SUCO: variants seen among roughly 807,000 people sequenced by gnomAD.
SUCO encodes SUN domain-containing ossification factor.
A neutral mutation model predicts 148.1 loss-of-function variants in SUCO; 57 were observed. The observed-to-expected ratio is 0.38, with a 90% CI of 0.31 to 0.48. The LOEUF (loss-of-function observed/expected upper bound fraction) is 0.48. Among genes scored for constraint, SUCO ranks in the 20% least tolerant of loss-of-function variants. The pLI is 0.96. For missense variants in SUCO, 1,331 were observed against 1,468.2 expected (o/e 0.91, Z 1.53); for synonymous variants, 470 against 502.7 (o/e 0.93, Z 0.87).
chr1:172,541,185 T>C (rs1161742387), intron 1 of SUCO, among the ~76,000 whole-genome samples: 2 of 152,236 alleles, frequency 1.3e-5, no homozygotes, highest in East Asian at 3.8e-4. Flanking sequence ...TACATAGTGT[T>C]AGGTTTTAAA....
In SUCO at chr1:172,569,056, C is replaced by T. The variant is rs1299081797; in HGVS notation, c.770C>T (p.Thr257Ile). 8 of 1,599,588 alleles carry T rather than the reference C, an allele frequency of 5.0e-6. No individual in the cohort carries two copies. The South Asian group carries it at 6.9e-5, about 14-fold the overall frequency. The part of the protein sequence containing the change: ...DYTKPGDIDP[T>I]SVASPKDPED... ...ACAAAACCAGGAGACATTGACCCTA[C>T]ATCAGTAGCAAGTCCCAAAGATCCA... The change falls in exon 7 of 24, where the codon ACA becomes ATA. Residue 257 changes from threonine to isoleucine, a missense_variant. By Grantham distance (89) the Thr-to-Ile change is moderately conservative (BLOSUM62 -1). Transcript: ENST00000263688.
rs1656433645 is a variant in SUCO, at chr1:172,589,052, G to A, written c.1951G>A (p.Ala651Thr). The A allele has an allele frequency of 6.2e-7, 1 of 1,613,618 alleles. No individual in the cohort carries two copies. Among genetic ancestry groups the A allele is most frequent in the African/African-American group, 1.3e-5 (1 of 74,916 alleles). The change falls in exon 18 of 24, where the codon GCT (alanine) becomes ACT (threonine). Residue 651 changes from alanine to threonine, a missense_variant. Coordinates refer to ENST00000263688, the MANE Select transcript of SUCO (RefSeq NM_014283.5). Reference protein sequence around the residue: ...VALYRQRSRTALSKGKDYLVL... With the variant: ...VALYRQRSRTTLSKGKDYLVL... ...TCTTTATCGGCAGCGCAGCCGAACT[G>A]CTTTGAGTAAAGGAAAAGATTATCT...
At chr1:172,570,468 A>G in intron 8 of SUCO, 195 bp from the exon 9 acceptor site, 1 of 549,352 alleles carries the variant, frequency 1.8e-6, no homozygotes. Flanking sequence ...GTATCATTGT[A>G]ACACTAATTT....
At chr1:172,536,216 G>A (rs1421406537) in intron 1 of SUCO, among the ~76,000 whole-genome samples, 5 of 152,080 alleles carry the variant, frequency 3.3e-5, no homozygotes, top group East Asian at 1.9e-4. Context: ...GTTAAGCTTC[G>A]GAGCTTAAAT....
chr1:172,571,697 G>T (rs1471126916), intron 9 of SUCO, among the ~76,000 whole-genome samples: 1 of 99,902 alleles, frequency 1.0e-5, no homozygotes, highest in African/African-American at 4.4e-5. Flanking sequence ...TGTGGGGAGC[G>T]CCTCTGCCCC....
intron 10 of SUCO, among the ~76,000 whole-genome samples, chr1:172,575,189 T>C (rs1286264405): frequency 6.6e-6 from 1 of 152,004 alleles, no homozygotes; most frequent in Non-Finnish European, 1.5e-5. Flanking sequence ...ATTACACACA[T>C]GTCAGTATGT....
chr1:172,582,553 G>A (rs751934737), intron 15 of SUCO, among the ~76,000 whole-genome samples: 1 of 152,176 alleles, frequency 6.6e-6, no homozygotes, highest in Middle Eastern at 3.4e-3. Context: ...TAATCCAGGA[G>A]AAATTAGGGA....
At chr1:172,579,371 C>CT (rs1341932187) in intron 15 of SUCO, 104 bp downstream of exon 15, 1 of 638,126 alleles carries the variant, frequency 1.6e-6, no homozygotes, top group East Asian at 2.9e-5. Context: ...CAGTGTTGAA[C>CT]TTTGAGTTGA....
In SUCO at chr1:172,589,015, A is replaced by G. The variant is rs776887193; in HGVS notation, c.1914A>G (p.Ser638=). 2 of 1,613,388 alleles carry G rather than the reference A, an allele frequency of 1.2e-6. No homozygotes were observed. The highest frequency in any genetic ancestry group is 1.1e-5 in the South Asian group (1 of 90,982). ...CAGAATACATATATAAATGGTGTTC[A>G]GTTAGAGTTGCTCTTTATCGGCAGC... The part of the protein sequence containing the change: ...SFSEYIYKWC[S]VRVALYRQRS... The change falls in exon 18 of 24, where the codon TCA becomes TCG. Residue 638 remains serine (S), a synonymous_variant. Coordinates refer to ENST00000263688, the MANE Select transcript of SUCO (RefSeq NM_014283.5).
chr1:172,549,564 T>C lies in SUCO; in HGVS notation c.63-1948T>C, dbSNP rs190121400. ...TTTTTAAAAGGTATTTTTTTCTCAA[T>C]CACTTTCACATTAAAGAATGCTTTC... On this transcript the variant is annotated intron_variant, in intron 1 of 23. Coordinates refer to ENST00000263688, the MANE Select transcript of SUCO (RefSeq NM_014283.5). 3.3e-5 allele frequency among the ~76,000 whole-genome samples: 5 copies of C among 152,080 alleles called. No individual in the cohort carries two copies. The East Asian group carries it at 9.7e-4, about 29-fold the overall frequency.
At chr1:172,576,565 T>C (rs1462452109) in intron 11 of SUCO, among the ~76,000 whole-genome samples, 1 of 151,690 alleles carries the variant, frequency 6.6e-6, no homozygotes, top group Non-Finnish European at 1.5e-5. Flanking sequence ...AAATGAGTAC[T>C]GAAACAATTA....
rs1404099180 is a variant in SUCO, at chr1:172,589,189, T to G, written c.2088T>G (p.Thr696=). The change falls in exon 18 of 24, where the codon ACT becomes ACG. Residue 696 remains threonine (T), a synonymous_variant. Transcript: ENST00000263688. ...ENTNIEREAE[T]VVLGDLSSSM... ...CGAATATAGAAAGGGAAGCTGAAAC[T>G]GTTGTTCTGGGTGATTTAAGTAGTA... is the stretch of plus-strand genomic sequence containing the variant. The G allele has an allele frequency of 5.6e-6, 9 of 1,614,010 alleles. No individual in the cohort carries two copies. Among genetic ancestry groups the G allele is most frequent in the Non-Finnish European group, 7.6e-6 (9 of 1,179,932 alleles).
chr1:172,584,634 G>C (rs189302426), intron 15 of SUCO, among the ~76,000 whole-genome samples: 2 of 152,182 alleles, frequency 1.3e-5, no homozygotes, highest in South Asian at 4.2e-4. Context: ...TTAGCTGGAC[G>C]TGGTGGCATG....
chr1:172,562,238 G>T (rs1654212457), intron 6 of SUCO, among the ~76,000 whole-genome samples: 2 of 150,904 alleles, frequency 1.3e-5, no homozygotes, highest in Non-Finnish European at 2.9e-5. Context: ...ATGAATCTGA[G>T]AAGCTTTCAA....
rs1558203934 is a variant in SUCO, at chr1:172,589,290, C to A, written c.2189C>A (p.Ser730Tyr). 1 of 1,613,632 alleles carries A rather than the reference C, an allele frequency of 6.2e-7. No individual in the cohort carries two copies. Among genetic ancestry groups the A allele is most frequent in the East Asian group, 2.2e-5 (1 of 44,878 alleles). ...ELEPSHSQTLSQSLLLDITPE... is the reference protein window; with the variant it reads ...ELEPSHSQTLYQSLLLDITPE... ...GAACCAAGCCATTCTCAAACTCTTT[C>A]TCAGTCTCTTCTTTTAGATATTACC... is the stretch of plus-strand genomic sequence containing the variant. Residue 730 changes from serine (S) to tyrosine (Y), a missense_variant, in exon 18 of 24, where the codon TCT becomes TAT. By Grantham distance (144) the Ser-to-Tyr change is moderately radical (BLOSUM62 -2). This residue lies in a region of SUCO where 992 missense variants were observed against 1,093.5 expected (regional missense o/e 0.91). Coordinates refer to ENST00000263688, the MANE Select transcript of SUCO (RefSeq NM_014283.5).
intron 6 of SUCO, 54 bp from the exon 7 acceptor site, chr1:172,568,958 CTAAAATT>C (rs1654749742): frequency 4.3e-6 from 6 of 1,406,998 alleles, no homozygotes; most frequent in African/African-American, 1.5e-5. Context: ...GTATTTATTT[CTAAAATT>C]TATTTGTATT....
chr1:172,608,938 A>C, intron 23 of SUCO, 136 bp downstream of exon 23: 1 of 683,964 alleles, frequency 1.5e-6, no homozygotes, highest in Non-Finnish European at 2.5e-6. Flanking sequence ...ATAATGTTGT[A>C]AATAAATATT....
intron 6 of SUCO, among the ~76,000 whole-genome samples, chr1:172,564,936 C>T (rs1335888903): frequency 6.6e-6 from 1 of 152,230 alleles, no homozygotes; most frequent in Non-Finnish European, 1.5e-5. Context: ...TTCTTTAGCA[C>T]ATTTTATGTA....
chr1:172,572,684 A>T (rs1263460986), intron 9 of SUCO, among the ~76,000 whole-genome samples: 1 of 128,344 alleles, frequency 7.8e-6, no homozygotes, highest in African/African-American at 3.2e-5. Flanking sequence ...AGAAACACCC[A>T]AGAATGATCA....
Sources: gnomAD v4.1 joint callset for allele counts (sites outside exome capture counted in the v4.1 genomes callset) on GRCh38, gnomAD v4.1.1 for gene constraint, gnomAD v4.1.1 regional missense constraint, MANE v1.5 for transcripts, NCBI Gene and HGNC (gene_info 2026-07-23, HGNC 2026-07-21) for gene names.